Variants in SDK1 observed in about 807,000 individuals in gnomAD.
SDK1 encodes protein sidekick-1.
SDK1 carries 157 observed loss-of-function variants against 245.5 expected under a neutral mutation model. That is an observed-to-expected ratio of 0.64 (90% confidence interval 0.56 to 0.73). SDK1 has a LOEUF of 0.73. Among genes scored for constraint, SDK1 ranks in the 30% least tolerant of loss-of-function variants. The probability of loss-of-function intolerance (pLI) is 0.00; values close to 1 mark genes in which losing one functional copy is unlikely to be tolerated. For missense variants in SDK1, 3,583 were observed against 3,002.3 expected (o/e 1.19, Z -4.52); for synonymous variants, 1,647 against 1,278.5 (o/e 1.29, Z -6.15).
intron 44 of SDK1, among the ~76,000 whole-genome samples, chr7:4,248,419 G>A (rs1469672372): frequency 2.0e-5 from 3 of 149,844 alleles, no homozygotes; most frequent in South Asian, 2.1e-4. Context: ...ATACACACAT[G>A]CACACACGTA....
Position 4,132,433 on chromosome 7 carries a change from C to A in SDK1, c.4228+10C>A, listed in dbSNP as rs113375564. 3 of 1,587,516 alleles carry A rather than the reference C, an allele frequency of 1.9e-6. No individual in the cohort carries two copies. The highest frequency in any genetic ancestry group is 2.3e-5 in the East Asian group (1 of 44,252). On this transcript the variant is annotated intron_variant, in intron 28 of 44. Transcript: ENST00000404826. ...AACGGCATCATCCTGGGTAAGGGAG[C>A]GGCGGTGGCCGGGCGTGGTGGCTCA...
At chr7:3,825,108 T>A (rs1014097604) in intron 5 of SDK1, among the ~76,000 whole-genome samples, 2 of 152,130 alleles carry the variant, frequency 1.3e-5, no homozygotes, top group Non-Finnish European at 2.9e-5. Context: ...GAATTTTTCA[T>A]GGCCAGCTCC....
At chr7:3,970,353 A>G (rs1447475714) in intron 11 of SDK1, among the ~76,000 whole-genome samples, 1 of 152,228 alleles carries the variant, frequency 6.6e-6, no homozygotes, top group East Asian at 1.9e-4. Context: ...TTGTAAAATG[A>G]TCATGCGTTT....
At chr7:3,908,953 G>A (rs149172457) in intron 5 of SDK1, among the ~76,000 whole-genome samples, 2 of 152,044 alleles carry the variant, frequency 1.3e-5, no homozygotes, top group Non-Finnish European at 2.9e-5. Flanking sequence ...TGGAGTTGGG[G>A]TGGGCCATCA....
Position 4,208,343 on chromosome 7 carries a change from G to A in SDK1, c.5401+58G>A, listed in dbSNP as rs1268085208. 27 of 1,500,232 alleles carry A rather than the reference G, an allele frequency of 1.8e-5. 1 individual carries two copies. The highest frequency in any genetic ancestry group is 4.2e-5 in the African/African-American group (3 of 72,186). 92.9% of individuals were successfully genotyped at this position (1,500,232 alleles called of 1,614,324 possible). A position where few individuals can be genotyped will look rare whatever the true frequency, so the allele number is the denominator to read the frequency against. On this transcript the variant is annotated intron_variant, in intron 37 of 44. Coordinates refer to ENST00000404826, the MANE Select transcript of SDK1 (RefSeq NM_152744.4). Reference sequence around the variant, plus strand: ...CTCCTTGGACACGTGTTTTGAGAGCGCCAGCTCAGGTCCCCTCACACAGTG... The same window carrying A: ...CTCCTTGGACACGTGTTTTGAGAGCACCAGCTCAGGTCCCCTCACACAGTG...
chr7:3,370,286 C>G (rs1781189522), intron 1 of SDK1, among the ~76,000 whole-genome samples: 1 of 152,168 alleles, frequency 6.6e-6, no homozygotes, highest in Non-Finnish European at 1.5e-5. Context: ...GCAGATGGCT[C>G]TTTCTCTTCA....
chr7:4,005,891 C>G (rs1785450499), intron 14 of SDK1, among the ~76,000 whole-genome samples: 1 of 152,064 alleles, frequency 6.6e-6, no homozygotes, highest in Non-Finnish European at 1.5e-5. Flanking sequence ...ATTAGCCGGG[C>G]ACGGTGGCAC....
At chr7:3,840,238 G>A (rs1334545364) in intron 5 of SDK1, among the ~76,000 whole-genome samples, 1 of 152,170 alleles carries the variant, frequency 6.6e-6, no homozygotes, top group Non-Finnish European at 1.5e-5. Flanking sequence ...TAAACCAAAA[G>A]TTGAAACAGA....
At chr7:4,143,993 C>T (rs1434519970) in intron 28 of SDK1, among the ~76,000 whole-genome samples, 3 of 152,158 alleles carry the variant, frequency 2.0e-5, no homozygotes, top group African/African-American at 7.2e-5. Context: ...GCCAGGAGCC[C>T]CGAAGCCTCA....
chr7:3,319,898 A>G (rs1442945337), intron 1 of SDK1, among the ~76,000 whole-genome samples: 1 of 29,978 alleles, frequency 3.3e-5, no homozygotes, highest in African/African-American at 1.5e-4. Flanking sequence ...TTTTTTTTGC[A>G]TTTGCTTTTC....
intron 1 of SDK1, among the ~76,000 whole-genome samples, chr7:3,358,039 A>T (rs1780853197): frequency 6.6e-6 from 1 of 150,988 alleles, no homozygotes; most frequent in Non-Finnish European, 1.5e-5. Context: ...TTTTTGGGGG[A>T]TGGACAGAGT....
intron 1 of SDK1, among the ~76,000 whole-genome samples, chr7:3,477,189 CTTTTTTTTTTT>C (rs35328849): frequency 3.8e-5 from 3 of 78,626 alleles, no homozygotes; most frequent in African/African-American, 5.1e-5. Context: ...TGGTTTTCTC[CTTTTTTTTTTT>C]TTTTTTTTTT....
Position 3,657,605 on chromosome 7 carries a change from T to C in SDK1, c.713+15500T>C, listed in dbSNP as rs893010344. The stretch of plus-strand genomic sequence containing the variant: ...CTTAATGTTTAGGGGACTCGGGTTT[T>C]TTTCCACCTGTGAAATGGGGTCAAG... On this transcript the variant is annotated intron_variant, in intron 4 of 44. Transcript: ENST00000404826. 2.0e-5 allele frequency among the ~76,000 whole-genome samples: 3 copies of C among 151,458 alleles called. No homozygotes were observed. The East Asian group carries it at 5.8e-4, about 29-fold the overall frequency.
intron 8 of SDK1, among the ~76,000 whole-genome samples, chr7:3,959,609 C>T (rs1450182070): frequency 2.0e-5 from 3 of 152,220 alleles, no homozygotes; most frequent in African/African-American, 7.2e-5. Context: ...TGTCCTTCCA[C>T]ACTCTGCATC....
At chr7:4,192,117 GC>G (rs1783245251) in intron 35 of SDK1, among the ~76,000 whole-genome samples, 1 of 152,192 alleles carries the variant, frequency 6.6e-6, no homozygotes, top group South Asian at 2.1e-4. Flanking sequence ...AAGTGCAGGC[GC>G]ATCACACTCC....
At chr7:3,485,646 A>G (rs1179863544) in intron 1 of SDK1, among the ~76,000 whole-genome samples, 1 of 89,054 alleles carries the variant, frequency 1.1e-5, no homozygotes, top group African/African-American at 4.3e-5. Flanking sequence ...ATAGTTGTTC[A>G]TTTTGATGTT....
chr7:3,500,232 C>A (rs1205210279), intron 1 of SDK1, among the ~76,000 whole-genome samples: 3 of 152,126 alleles, frequency 2.0e-5, no homozygotes. Context: ...TTGAGGATTC[C>A]ATTTGCTTCT....
At chr7:3,594,145 C>T (rs1468427500) in intron 1 of SDK1, among the ~76,000 whole-genome samples, 1 of 152,170 alleles carries the variant, frequency 6.6e-6, no homozygotes, top group Non-Finnish European at 1.5e-5. Context: ...CCCAGGTAAT[C>T]ACTCACCTAC....
At chr7:4,071,273 C>T (rs1780240137) in intron 20 of SDK1, among the ~76,000 whole-genome samples, 1 of 152,192 alleles carries the variant, frequency 6.6e-6, no homozygotes, top group Non-Finnish European at 1.5e-5. Flanking sequence ...GATCCACCCA[C>T]TTCGGCCTCC....
Sources: allele counts gnomAD v4.1 joint callset (sites outside exome capture counted in the v4.1 genomes callset), GRCh38; gene constraint gnomAD v4.1.1; transcripts MANE v1.5; gene names NCBI Gene and HGNC (gene_info 2026-07-23, HGNC 2026-07-21).